The following TMF1 variants were observed in gnomAD, a reference collection of about 807,000 sequenced individuals.
TMF1 encodes the protein TATA element modulatory factor.
In TMF1, 71 loss-of-function variants were observed where a neutral mutation model predicts 126.5. That is an observed-to-expected ratio of 0.56 (90% CI 0.46 to 0.68). TMF1 has a LOEUF of 0.68. Among genes scored for constraint, TMF1 ranks in the 30% least tolerant of loss-of-function variants. TMF1 has a pLI of 0.00. For missense variants in TMF1, 1,259 were observed against 1,253.2 expected (o/e 1.00, Z -0.07); for synonymous variants, 461 against 430.5 (o/e 1.07, Z -0.88).
rs113572356 is a variant in TMF1 at position 69,021,689 on chromosome 3, T to C, written c.*1488A>G. ...CTAAAAATTAAATAAGAGTTTGTTTTTTTTTTTTTGAGACGGAGTCTTTCT... is the reference window on the plus strand; with the variant it reads ...CTAAAAATTAAATAAGAGTTTGTTTCTTTTTTTTTGAGACGGAGTCTTTCT... On this transcript the variant is annotated 3_prime_UTR_variant, in exon 17 of 17. Coordinates refer to ENST00000398559, the MANE Select transcript of TMF1 (RefSeq NM_007114.3). 1 of 151,886 alleles carries C rather than the reference T, an allele frequency of 6.6e-6. No individual in the cohort carries two copies. The highest frequency in any genetic ancestry group is 2.4e-5 in the African/African-American group (1 of 41,348). The allele number at this position is 151,886 out of a possible 1,614,324, so 9.4% of individuals were successfully genotyped here.
chr3:69,025,027 C>A (rs1203681866), intron 15 of TMF1: 5 of 151,988 alleles, frequency 3.3e-5, no homozygotes, highest in African/African-American at 1.2e-4. Context: ...TTTTAAAAGC[C>A]AAAAAGGTAA....
chr3:69,051,636 G>T (rs2091930067), intron 1 of TMF1, among the ~76,000 whole-genome samples: 1 of 152,134 alleles, frequency 6.6e-6, no homozygotes, highest in Non-Finnish European at 1.5e-5. Flanking sequence ...GGAAGGTTGT[G>T]CTTGGAAGCT....
intron 5 of TMF1, among the ~76,000 whole-genome samples, chr3:69,041,245 C>T (rs950690244): frequency 6.6e-6 from 1 of 152,112 alleles, no homozygotes; most frequent in Non-Finnish European, 1.5e-5. Context: ...ATTATAACAA[C>T]AGTTCCTTCA....
At chr3:69,026,242 A>G (rs2091766567) in intron 13 of TMF1, 145 bp from the exon 14 acceptor site, 2 of 534,402 alleles carry the variant, frequency 3.7e-6, no homozygotes, top group Admixed American at 3.6e-5. Flanking sequence ...AATCAAAAGA[A>G]GAAAAAAAAC....
chr3:69,035,617 T>C (rs1363487851), intron 8 of TMF1, among the ~76,000 whole-genome samples: 1 of 152,170 alleles, frequency 6.6e-6, no homozygotes, highest in Non-Finnish European at 1.5e-5. Context: ...GATACGTAAA[T>C]ACACAGGGAT....
intron 4 of TMF1, among the ~76,000 whole-genome samples, chr3:69,043,400 G>A (rs968420922): frequency 1.2e-4 from 18 of 152,054 alleles, no homozygotes; most frequent in Non-Finnish European, 1.3e-4. Flanking sequence ...GAACTCCTGG[G>A]CTCAAGCGAT....
rs1426935490 is a variant in TMF1 at position 69,039,655 on chromosome 3, T to A, written c.1723A>T (p.Ile575Phe). The A allele has an allele frequency of 2.5e-6, 4 of 1,613,432 alleles. No individual in the cohort carries two copies. In the South Asian group the frequency reaches 4.4e-5, roughly 18 times the overall value. Residue 575 changes from isoleucine to phenylalanine, a missense_variant, in exon 6 of 17, where the codon ATC becomes TTC. By Grantham distance (21) the Ile-to-Phe change is conservative (BLOSUM62 0). Coordinates refer to ENST00000398559, the MANE Select transcript of TMF1 (RefSeq NM_007114.3). ...TCTTTAGCTCTTAATTTCTTGATGA[T>A]GTTAGAATTGTGCAGCTGCTGTTTT... ...LSKQQLHNSN[I>F]IKKLRAKDKE...
At chr3:69,027,405 G>T (rs539553941) in intron 13 of TMF1, among the ~76,000 whole-genome samples, 1 of 152,246 alleles carries the variant, frequency 6.6e-6, no homozygotes, top group South Asian at 2.1e-4. Context: ...TTCAGTGACA[G>T]ACAATTAAAT....
At chr3:69,033,479 A>T in intron 10 of TMF1, 69 bp downstream of exon 10, 1 of 1,474,022 alleles carries the variant, frequency 6.8e-7, no homozygotes, top group Non-Finnish European at 9.1e-7. Context: ...TCAATTTCAT[A>T]CCATTATTCT....
chr3:69,023,945 C>CT, intron 16 of TMF1, 110 bp downstream of exon 16: 5 of 1,022,962 alleles, frequency 4.9e-6, no homozygotes, highest in Non-Finnish European at 6.8e-6. Context: ...AATATTAGTA[C>CT]TCTTTAATTT....
chr3:69,038,889 C>T lies in TMF1; in HGVS notation c.1948G>A (p.Glu650Lys). 1 of 1,611,496 alleles carries T rather than the reference C, an allele frequency of 6.2e-7. No homozygotes were observed. The highest frequency in any genetic ancestry group is 8.5e-7 in the Non-Finnish European group (1 of 1,179,180). ...GRLQVDMDEL[E>K]EKNRSIQAAL... is the part of the protein sequence containing the mutation. Reference sequence around the variant, plus strand: ...GCCTGAATACTTCGGTTCTTTTCTTCAAGTTCATCCATGTCTACCTGAAGA... The same window carrying T: ...GCCTGAATACTTCGGTTCTTTTCTTTAAGTTCATCCATGTCTACCTGAAGA... The change falls in exon 7 of 17, where the codon GAA (glutamate) becomes AAA (lysine). Residue 650 changes from glutamate to lysine, a missense_variant. Coordinates refer to ENST00000398559, the MANE Select transcript of TMF1 (RefSeq NM_007114.3).
At chr3:69,030,171 TCTTAA>T in intron 10 of TMF1, 164 bp from the exon 11 acceptor site, 1 of 521,666 alleles carries the variant, frequency 1.9e-6, no homozygotes, top group Non-Finnish European at 3.3e-6. Context: ...AATGAACCAA[TCTTAA>T]CTTATACCTG....
chr3:69,037,821 G>GA (rs148799360), intron 8 of TMF1, among the ~76,000 whole-genome samples: 3,230 of 142,944 alleles, frequency 0.023, 41 homozygotes, highest in Non-Finnish European at 0.034. Context: ...TATATAAATT[G>GA]AAAAAAAAAA....
At chr3:69,036,138 G>T (rs1337496340) in intron 8 of TMF1, among the ~76,000 whole-genome samples, 1 of 152,080 alleles carries the variant, frequency 6.6e-6, no homozygotes, top group Non-Finnish European at 1.5e-5. Context: ...TTATAAAACT[G>T]TAAAGAGATA....
chr3:69,028,899 C>G (rs949302062), intron 11 of TMF1, among the ~76,000 whole-genome samples: 3 of 151,884 alleles, frequency 2.0e-5, no homozygotes, highest in African/African-American at 7.3e-5. Context: ...GTGTTATAGG[C>G]CCCTTTAAAA....
Position 69,048,312 on chromosome 3 carries a change from G to A in TMF1, c.393C>T (p.Ser131=), listed in dbSNP as rs1299665561. 1.7e-5 allele frequency: 27 copies of A among 1,614,064 alleles called. No homozygotes were observed. Among genetic ancestry groups the A allele is most frequent in the Non-Finnish European group, 2.2e-5 (26 of 1,180,048 alleles). The change falls in exon 2 of 17, where the codon AGC becomes AGT. Residue 131 remains serine, a synonymous_variant. Transcript: ENST00000398559. The part of the protein sequence containing the change: ...KSQRPEEEVK[S]SLHESLHIGQ... ...CAATGTGCAAGGATTCATGTAAGCT[G>A]CTTTTCACTTCTTCTTCTGGTCGTT...
chr3:69,040,042 T>C (rs576784960), intron 5 of TMF1, among the ~76,000 whole-genome samples: 1 of 152,354 alleles, frequency 6.6e-6, no homozygotes, highest in South Asian at 2.1e-4. Flanking sequence ...TGTGATATAG[T>C]TGTTCAATAT....
chr3:69,048,585 A>T (rs757153451), intron 1 of TMF1, 23 bp from the exon 2 acceptor site: 2 of 1,528,968 alleles, frequency 1.3e-6, no homozygotes, highest in Middle Eastern at 2.0e-4. Context: ...AGTAAATATT[A>T]AAAAAGAACA....
chr3:69,025,529 A>G (rs2091763021), intron 15 of TMF1, 31 bp downstream of exon 15: 1 of 1,581,536 alleles, frequency 6.3e-7, no homozygotes. Context: ...AACTTCATTT[A>G]CTTCTATAGC....
Sources: allele counts gnomAD v4.1 joint callset (sites outside exome capture counted in the v4.1 genomes callset), GRCh38; gene constraint gnomAD v4.1.1; transcripts MANE v1.5; gene names NCBI Gene and HGNC (gene_info 2026-07-23, HGNC 2026-07-21).